CADPS: variants seen among roughly 807,000 people sequenced by gnomAD.
CADPS encodes calcium dependent secretion activator, also known as calcium-dependent secretion activator 1.
Under a neutral mutation model 167.3 loss-of-function variants are expected in CADPS, and 57 were observed. The observed-to-expected ratio is 0.34, with a 90% CI of 0.28 to 0.42. CADPS has a LOEUF of 0.42. Among genes scored for constraint, CADPS ranks in the 20% least tolerant of loss-of-function variants. The pLI is 1.00. For synonymous variants in CADPS, 676 were observed against 635.3 expected (o/e 1.06, Z -0.96); for missense variants, 1,414 against 1,738.1 (o/e 0.81, Z 3.32).
chr3:62,695,357 G>C (rs954574719), intron 3 of CADPS, among the ~76,000 whole-genome samples: 1 of 152,014 alleles, frequency 6.6e-6, no homozygotes, highest in South Asian at 2.1e-4. Context: ...TTTTGAGATC[G>C]CTGACAGAGA....
In CADPS at chr3:62,650,985, C is replaced by T; in HGVS notation, c.1065G>A (p.Glu355=). 2 of 1,614,100 alleles carry T rather than the reference C, an allele frequency of 1.2e-6. No homozygotes were observed. Among genetic ancestry groups the T allele is most frequent in the Non-Finnish European group, 1.7e-6 (2 of 1,179,976 alleles). ...CCCCGCCTTTGGATACCGGCATGCT[C>T]TCCAAGTTGGCCATGAGCAGGTTGA... The part of the protein sequence containing the change: ...SSVNLLMANL[E]SMPVSKGGEF... The change falls in exon 5 of 30, where the codon GAG becomes GAA. Residue 355 remains glutamate, a synonymous_variant. Coordinates refer to ENST00000383710, the MANE Select transcript of CADPS (RefSeq NM_003716.4).
chr3:62,665,955 T>C (rs2074324788), intron 3 of CADPS, among the ~76,000 whole-genome samples: 1 of 152,154 alleles, frequency 6.6e-6, no homozygotes, highest in Admixed American at 6.5e-5. Flanking sequence ...GCTCCTTGTG[T>C]TGTTATTTTA....
chr3:62,429,612 T>C (rs1205407478), intron 28 of CADPS, among the ~76,000 whole-genome samples: 1 of 151,782 alleles, frequency 6.6e-6, no homozygotes, highest in Non-Finnish European at 1.5e-5. Context: ...ACTCTGTGTG[T>C]TTGTGTGTGT....
intron 6 of CADPS, among the ~76,000 whole-genome samples, chr3:62,594,436 C>T (rs1471915355): frequency 6.6e-6 from 1 of 152,210 alleles, no homozygotes; most frequent in African/African-American, 2.4e-5. Context: ...GCTGGGATTA[C>T]AGGCGTGAGC....
chr3:62,797,021 TA>T (rs771383136), intron 1 of CADPS, among the ~76,000 whole-genome samples: 5 of 152,226 alleles, frequency 3.3e-5, no homozygotes, highest in Non-Finnish European at 5.9e-5. Flanking sequence ...ACCAACTGCA[TA>T]TTTTTTCCTT....
chr3:62,824,715 G>T (rs1230693390), intron 1 of CADPS, among the ~76,000 whole-genome samples: 1 of 152,144 alleles, frequency 6.6e-6, no homozygotes, highest in Non-Finnish European at 1.5e-5. Flanking sequence ...TATAAAGTCT[G>T]CAGTTTATTC....
chr3:62,599,764 A>ATATAATATATATATTATATATATTG (rs2059556616), intron 6 of CADPS, among the ~76,000 whole-genome samples: 1 of 1,424 alleles, frequency 7.0e-4, no homozygotes, highest in African/African-American at 1.3e-3. Flanking sequence ...TATATATTGT[A>ATATAATATATATATTATATATATTG]TATATAATAT....
At chr3:62,815,909 C>A (rs752554566) in intron 1 of CADPS, among the ~76,000 whole-genome samples, 2 of 152,044 alleles carry the variant, frequency 1.3e-5, no homozygotes, top group Admixed American at 6.6e-5. Flanking sequence ...ATTAGAACAG[C>A]TTGGGGATAT....
intron 13 of CADPS, among the ~76,000 whole-genome samples, chr3:62,523,440 G>T (rs1420373286): frequency 6.6e-6 from 1 of 152,110 alleles, no homozygotes; most frequent in African/African-American, 2.4e-5. Flanking sequence ...TACCTCTTTA[G>T]TGTTGTTAAA....
At chr3:62,764,521 C>A (rs1425186424) in intron 2 of CADPS, among the ~76,000 whole-genome samples, 5 of 152,210 alleles carry the variant, frequency 3.3e-5, no homozygotes, top group Admixed American at 2.6e-4. Context: ...TCCCAGCGAA[C>A]ATCACAAAGA....
intron 1 of CADPS, among the ~76,000 whole-genome samples, chr3:62,829,304 C>A (rs1460380071): frequency 6.6e-6 from 1 of 152,044 alleles, no homozygotes; most frequent in Non-Finnish European, 1.5e-5. Context: ...ATTTATATAG[C>A]ATTGACACTG....
intron 1 of CADPS, among the ~76,000 whole-genome samples, chr3:62,869,243 T>C (rs899166582): frequency 6.6e-6 from 1 of 152,124 alleles, no homozygotes. Flanking sequence ...CTAGCTTTTT[T>C]CATTCTGATA....
Position 62,493,539 on chromosome 3 carries a change from C to T in CADPS, c.2727+106G>A, listed in dbSNP as rs924197518. 19 of 816,532 alleles carry T rather than the reference C, an allele frequency of 2.3e-5. No individual in the cohort carries two copies. In the South Asian group the frequency reaches 2.6e-4, roughly 11 times the overall value. 50.6% of individuals were successfully genotyped at this position (816,532 alleles called of 1,614,324 possible). On this transcript the variant is annotated intron_variant, in intron 19 of 29. Transcript: ENST00000383710. Reference sequence around the variant, plus strand: ...TAAATGAAAGGGTTTGTTCAATGGCCAAGCTCTTCTGTGATCTATTAGTTA... The same window carrying T: ...TAAATGAAAGGGTTTGTTCAATGGCTAAGCTCTTCTGTGATCTATTAGTTA...
chr3:62,594,242 A>C, intron 6 of CADPS, among the ~76,000 whole-genome samples: 1 of 148,920 alleles, frequency 6.7e-6, no homozygotes. Flanking sequence ...GCTCACTGCA[A>C]GCTCCGCCTC....
chr3:62,504,421 C>A (rs1333037428), intron 17 of CADPS, among the ~76,000 whole-genome samples: 1 of 152,230 alleles, frequency 6.6e-6, no homozygotes, highest in Non-Finnish European at 1.5e-5. Flanking sequence ...ATGTGCAGTT[C>A]TCACAGAAAT....
chr3:62,750,188 T>C (rs1264533953), intron 3 of CADPS, among the ~76,000 whole-genome samples: 1 of 151,356 alleles, frequency 6.6e-6, no homozygotes, highest in African/African-American at 2.4e-5. Context: ...CCACCTCTAC[T>C]AAAAATACAA....
At chr3:62,681,143 C>G (rs1034504674) in intron 3 of CADPS, among the ~76,000 whole-genome samples, 2 of 152,056 alleles carry the variant, frequency 1.3e-5, no homozygotes, top group Non-Finnish European at 1.5e-5. Flanking sequence ...TCAGAACCCA[C>G]CTCAGATGTG....
chr3:62,669,374 T>C (rs577025462), intron 3 of CADPS, among the ~76,000 whole-genome samples: 1 of 152,342 alleles, frequency 6.6e-6, no homozygotes, highest in Non-Finnish European at 1.5e-5. Context: ...CCTGGTGCAC[T>C]GCAGTCTGGA....
intron 29 of CADPS, among the ~76,000 whole-genome samples, chr3:62,401,732 A>ATTTTTTTT (rs35897409): frequency 6.9e-6 from 1 of 145,502 alleles, no homozygotes; most frequent in Non-Finnish European, 1.5e-5. Flanking sequence ...CTCATACCAC[A>ATTTTTTTT]TTTTTTTTTT....
Sources: allele counts gnomAD v4.1 joint callset (sites outside exome capture counted in the v4.1 genomes callset), GRCh38; gene constraint gnomAD v4.1.1; transcripts MANE v1.5; gene names NCBI Gene and HGNC (gene_info 2026-07-23, HGNC 2026-07-21).